The following IMMP2L variants were observed in gnomAD, a reference collection of about 807,000 sequenced individuals.
IMMP2L encodes the protein inner mitochondrial membrane peptidase subunit 2.
In IMMP2L, 18 loss-of-function variants were observed where a neutral mutation model predicts 19.3. That is an observed-to-expected ratio of 0.93 (90% CI 0.64 to 1.38). The LOEUF is 1.38. IMMP2L is among the 40% of genes most tolerant of loss of function. The pLI, the probability that IMMP2L is intolerant of heterozygous loss-of-function variation, is 0.00. For missense variants in IMMP2L, 233 were observed against 218.2 expected, an observed-to-expected ratio of 1.07 and a Z score of -0.43; for synonymous variants, 76 against 73.0, an observed-to-expected ratio of 1.04 and a Z score of -0.21.
intron 3 of IMMP2L, chr7:111,122,913 T>G: frequency 6.2e-7 from 1 of 1,614,074 alleles, no homozygotes; most frequent in Non-Finnish European, 8.5e-7. Flanking sequence ...GATCCATTTA[T>G]ATGGAAGCAT....
chr7:111,392,816 T>A (rs1302435184), intron 3 of IMMP2L: 1 of 456,456 alleles, frequency 2.2e-6, no homozygotes, highest in Non-Finnish European at 4.4e-6. Flanking sequence ...ACTGGTGCAT[T>A]AAAAGTACCA....
intron 3 of IMMP2L, among the ~76,000 whole-genome samples, chr7:111,353,953 G>A (rs1828439013): frequency 6.6e-6 from 1 of 151,940 alleles, no homozygotes; most frequent in Non-Finnish European, 1.5e-5. Context: ...CCTACATAGG[G>A]TCCTCTGACA....
chr7:110,823,851 G>A (rs941029151), intron 5 of IMMP2L, among the ~76,000 whole-genome samples: 3 of 152,034 alleles, frequency 2.0e-5, no homozygotes, highest in Non-Finnish European at 4.4e-5. Flanking sequence ...AAACATTATG[G>A]CTATTCATTA....
At chr7:111,117,564 T>G (rs530315683) in intron 3 of IMMP2L, among the ~76,000 whole-genome samples, 2 of 152,192 alleles carry the variant, frequency 1.3e-5, no homozygotes, top group Non-Finnish European at 2.9e-5. Context: ...ATAATTTGTT[T>G]TGAAAAACTG....
intron 5 of IMMP2L, among the ~76,000 whole-genome samples, chr7:110,872,835 G>C (rs1808665148): frequency 1.3e-5 from 2 of 152,204 alleles, no homozygotes; most frequent in African/African-American, 4.8e-5. Flanking sequence ...ACTGAAATAT[G>C]CAGCACTGGA....
intron 3 of IMMP2L, among the ~76,000 whole-genome samples, chr7:111,315,094 C>T (rs117142623): frequency 6.6e-6 from 1 of 152,224 alleles, no homozygotes; most frequent in Non-Finnish European, 1.5e-5. Context: ...GGCCCTCCCC[C>T]AGAATATCGT....
At chr7:111,282,578 C>T (rs929009453) in intron 3 of IMMP2L, among the ~76,000 whole-genome samples, 2 of 151,878 alleles carry the variant, frequency 1.3e-5, no homozygotes, top group East Asian at 3.9e-4. Context: ...TTAAATAACT[C>T]TTTTTTTGAT....
At chr7:111,289,770 C>T (rs565425180) in intron 3 of IMMP2L, among the ~76,000 whole-genome samples, 1 of 152,080 alleles carries the variant, frequency 6.6e-6, no homozygotes, top group African/African-American at 2.4e-5. Context: ...GATCTCGGCT[C>T]TGCCTCCCCA....
intron 3 of IMMP2L, among the ~76,000 whole-genome samples, chr7:111,235,686 T>C (rs1240590120): frequency 6.6e-6 from 1 of 152,044 alleles, no homozygotes; most frequent in Non-Finnish European, 1.5e-5. Context: ...TATCATCTTC[T>C]TGTGCTTGGG....
chr7:111,359,468 A>C (rs1485791365), intron 3 of IMMP2L, among the ~76,000 whole-genome samples: 1 of 151,712 alleles, frequency 6.6e-6, no homozygotes. Context: ...CTCCTGGCTA[A>C]TTTTTGTATT....
At chr7:111,038,613 G>A (rs1257833571) in intron 3 of IMMP2L, among the ~76,000 whole-genome samples, 1 of 152,070 alleles carries the variant, frequency 6.6e-6, no homozygotes, top group East Asian at 1.9e-4. Flanking sequence ...CAGTAAAACA[G>A]ACCCTTGGGC....
chr7:110,762,006 TC>T (rs1798376420), intron 5 of IMMP2L, among the ~76,000 whole-genome samples: 1 of 152,062 alleles, frequency 6.6e-6, no homozygotes, highest in Admixed American at 6.6e-5. Context: ...TAGACTGGGG[TC>T]CTAAAAGCAG....
chr7:111,409,196 T>C (rs897441869), intron 3 of IMMP2L, among the ~76,000 whole-genome samples: 2 of 151,728 alleles, frequency 1.3e-5, no homozygotes, highest in Non-Finnish European at 2.9e-5. Context: ...AAGACATCCA[T>C]TTAAAGTTGA....
intron 5 of IMMP2L, among the ~76,000 whole-genome samples, chr7:110,694,337 G>A (rs75809381): frequency 0.01 from 1,583 of 152,178 alleles, 55 homozygotes; most frequent in East Asian, 0.059. Context: ...GGAAGAAAGT[G>A]TTTGGCATCT....
intron 5 of IMMP2L, among the ~76,000 whole-genome samples, chr7:110,787,317 C>T (rs539274933): frequency 3.5e-4 from 53 of 152,088 alleles, no homozygotes; most frequent in African/African-American, 1.3e-3. Context: ...AAGAACCTTA[C>T]AAAGCTTTTC....
chr7:110,850,953 GA>G (rs1387305868), intron 5 of IMMP2L, among the ~76,000 whole-genome samples: 1 of 151,212 alleles, frequency 6.6e-6, no homozygotes. Flanking sequence ...ATTTGCTAAA[GA>G]AAAAAAAGAT....
At chr7:111,074,764 C>T (rs904514055) in intron 3 of IMMP2L, among the ~76,000 whole-genome samples, 3 of 152,084 alleles carry the variant, frequency 2.0e-5, no homozygotes, top group Non-Finnish European at 4.4e-5. Context: ...CCTTTCATTT[C>T]TGGTTTTGGC....
chr7:111,170,028 T>C (rs1179279644), intron 3 of IMMP2L, among the ~76,000 whole-genome samples: 1 of 151,928 alleles, frequency 6.6e-6, no homozygotes. Context: ...ATAGCACATC[T>C]ATATTGCTGA....
chr7:110,912,044 G>T, intron 4 of IMMP2L, among the ~76,000 whole-genome samples: 1 of 152,020 alleles, frequency 6.6e-6, no homozygotes. Flanking sequence ...TGTCTGTCTT[G>T]CCTTAAGTGA....
Sources: allele counts gnomAD v4.1 joint callset (sites outside exome capture counted in the v4.1 genomes callset), GRCh38; gene constraint gnomAD v4.1.1; transcripts MANE v1.5; gene names NCBI Gene and HGNC (gene_info 2026-07-23, HGNC 2026-07-21).